The following ARHGAP45 variants were observed in gnomAD, a reference collection of about 807,000 sequenced individuals.
ARHGAP45 encodes Rho GTPase activating protein 45, also known as rho GTPase-activating protein 45.
Under a neutral mutation model 116.1 loss-of-function variants are expected in ARHGAP45, and 56 were observed. That is an observed-to-expected ratio of 0.48 (90% CI 0.39 to 0.60). The LOEUF (loss-of-function observed/expected upper bound fraction) is 0.60. ARHGAP45 is among the 20% of genes least tolerant of loss of function. The pLI is 0.00. For missense variants in ARHGAP45, 1,622 were observed against 1,601.0 expected, an observed-to-expected ratio of 1.01 and a Z score of -0.22; for synonymous variants, 866 against 701.7, an observed-to-expected ratio of 1.23 and a Z score of -3.70.
intron 10 of ARHGAP45, among the ~76,000 whole-genome samples, chr19:1,075,874 A>G (rs1004674645): frequency 2.0e-5 from 3 of 152,094 alleles, no homozygotes; most frequent in Admixed American, 1.3e-4. Flanking sequence ...GCACCCTCCT[A>G]GCTCCTTCCA....
Position 1,073,181 on chromosome 19 carries a change from G to A in ARHGAP45, c.454G>A (p.Glu152Lys). 1.9e-6 allele frequency: 3 copies of A among 1,611,390 alleles called. No homozygotes were observed. The highest frequency in any genetic ancestry group is 1.7e-6 in the Non-Finnish European group (2 of 1,179,980). The stretch of plus-strand genomic sequence containing the variant: ...TGAGGCCCGCCGCCCGCGGGCCCAC[G>A]AGTGCCTGGGTGAGGCTCTGCGTGT... ...LLEARRPRAHECLGEALRVMH... is the reference protein window; with the variant it reads ...LLEARRPRAHKCLGEALRVMH... The change falls in exon 3 of 23, where the codon GAG becomes AAG. Residue 152 changes from glutamate (E) to lysine (K), a missense_variant. This residue lies in a region of ARHGAP45 where 279 missense variants were observed against 311.9 expected (regional missense o/e 0.89). Coordinates refer to ENST00000313093, the MANE Select transcript of ARHGAP45 (RefSeq NM_012292.5).
Position 1,074,373 on chromosome 19 carries a change from T to A in ARHGAP45, c.959T>A (p.Ile320Asn), listed in dbSNP as rs779143760. 1.0e-5 allele frequency: 16 copies of A among 1,602,442 alleles called. No individual in the cohort carries two copies. In the African/African-American group the frequency reaches 1.9e-4, roughly 19 times the overall value. ...EMEFAKGLQK[I>N]AHNCRQSVMQ... ...GAGTTTGCCAAGGGCCTGCAGAAGA[T>A]CGCTCACAACTGCAGACAGAGCGTC... is the stretch of plus-strand genomic sequence containing the variant. The change falls in exon 8 of 23, where the codon ATC becomes AAC. Residue 320 changes from isoleucine to asparagine, a missense_variant. Physicochemically the swap from Ile to Asn is moderately radical, Grantham distance 149. Transcript: ENST00000313093.
rs532671973 is a variant in ARHGAP45, at chr19:1,068,662, C to T, written c.339C>T (p.Val113=). The T allele has an allele frequency of 2.2e-5, 35 of 1,612,652 alleles. No individual in the cohort carries two copies. Among genetic ancestry groups the T allele is most frequent in the East Asian group, 6.7e-5 (3 of 44,878 alleles). The change falls in exon 2 of 23, where the codon GTC becomes GTT. Residue 113 remains valine, a synonymous_variant. Coordinates refer to ENST00000313093, the MANE Select transcript of ARHGAP45 (RefSeq NM_012292.5). This position sits in a 1 kb window ranked among gnomAD's most constrained non-coding sequence, Gnocchi z 7.5. ...LPTEGAGPDV[V]EDISHLLADV... is the part of the protein sequence containing the mutation. ...CCGAGGGTGCCGGCCCGGACGTCGT[C>T]GAGGACATCTCCCATCTGCTGGCGG...
At chr19:1,082,698 T>C in intron 19 of ARHGAP45, 142 bp from the exon 20 acceptor site, 2 of 687,218 alleles carry the variant, frequency 2.9e-6, no homozygotes, top group East Asian at 3.1e-5. Flanking sequence ...GAAAGGGGAC[T>C]GACGCCGCTC....
At position 1,081,815 on chromosome 19, in the gene ARHGAP45, C is replaced by A; in HGVS notation, c.2380-9C>A. 1 of 1,601,722 alleles carries A rather than the reference C, an allele frequency of 6.2e-7. No individual in the cohort carries two copies. Among genetic ancestry groups the A allele is most frequent in the Admixed American group, 1.7e-5 (1 of 58,500 alleles). ...GCTGATGGGCCTCCCCACCCCCGGG[C>A]TCCCGCAGGGCATCTACCGGGTCAA... On this transcript the variant is annotated splice_polypyrimidine_tract_variant and intron_variant, in intron 18 of 22. Transcript: ENST00000313093.
chr19:1,085,522 G>GTCTCTCCCCA, intron 22 of ARHGAP45, 138 bp from the exon 23 acceptor site: 2 of 627,588 alleles, frequency 3.2e-6, no homozygotes, highest in Non-Finnish European at 5.4e-6. Context: ...CATCTCTCCT[G>GTCTCTCCCCA]TCTCTCCCCA....
Position 1,080,796 on chromosome 19 carries a change from C to T in ARHGAP45, c.2017+10C>T, listed in dbSNP as rs778863499. On this transcript the variant is annotated intron_variant, in intron 16 of 22. Transcript: ENST00000313093. ...TCAGCCTTTGAGCAGGGTGAGGGTC[C>T]CCTGACGGGGCTGGAGAGAGAGGGG... The T allele has an allele frequency of 1.2e-6, 2 of 1,612,928 alleles. No homozygotes were observed. Among genetic ancestry groups the T allele is most frequent in the South Asian group, 2.2e-5 (2 of 91,058 alleles).
At chr19:1,083,961 G>C (rs12975739) in intron 21 of ARHGAP45, among the ~76,000 whole-genome samples, 48,251 of 152,032 alleles carry the variant, frequency 0.32, 9,577 homozygotes, top group Middle Eastern at 0.45. Flanking sequence ...GGCTGGTCTC[G>C]AACTGCTGAC....
In ARHGAP45 at chr19:1,082,951, G is replaced by C. The variant is rs1227895148; in HGVS notation, c.2629G>C (p.Gly877Arg). Residue 877 changes from glycine (G) to arginine (R), a missense_variant, in exon 20 of 23, where the codon GGC becomes CGC. Coordinates refer to ENST00000313093, the MANE Select transcript of ARHGAP45 (RefSeq NM_012292.5). ...AKAASRGRQD[G>R]SESEAVAVAL... is the part of the protein sequence containing the mutation. ...GGCGGCGTCCCGGGGCCGGCAGGAC[G>C]GCTCGGAGAGCGAGGCAGTGGCGGT... is the stretch of plus-strand genomic sequence containing the variant. 6.4e-7 allele frequency: 1 copy of C among 1,572,888 alleles called. No individual in the cohort carries two copies.
In ARHGAP45 at chr19:1,076,483, CTTTTTTTTTTTTTT is replaced by C. The variant is rs71174343; in HGVS notation, c.1186-1357_1186-1344del. Among the ~76,000 whole-genome samples, 392 of 64,990 alleles carry C rather than the reference CTTTTTTTTTTTTTT, an allele frequency of 6.0e-3. 5 individuals are homozygous for C. Among genetic ancestry groups the C allele is most frequent in the African/African-American group, 0.022 (379 of 16,974 alleles). The allele number at this position is 64,990 out of a possible 152,430, so 42.6% of individuals were successfully genotyped here. A position where few individuals can be genotyped will look rare whatever the true frequency, so the allele number is the denominator to read the frequency against. On this transcript the variant is annotated intron_variant, in intron 10 of 22. Transcript: ENST00000313093. ...GAAACCTGTGATTGTTGGCAGTAGT[CTTTTTTTTTTTTTT>C]TTTTTTTTTTTTTTTTGAGACAAGA...
Position 1,068,751 on chromosome 19 carries a change from G to T in ARHGAP45, c.421+7G>T. 1 of 1,608,986 alleles carries T rather than the reference G, an allele frequency of 6.2e-7. No individual in the cohort carries two copies. Among genetic ancestry groups the T allele is most frequent in the Non-Finnish European group, 8.5e-7 (1 of 1,177,134 alleles). The stretch of plus-strand genomic sequence containing the variant: ...GAGTGTGTGTTGCGTGACGGTGAGA[G>T]CCACGGGGACACCGAGGCCTGGGTG... On this transcript the variant is annotated splice_region_variant and intron_variant, in intron 2 of 22. Coordinates refer to ENST00000313093, the MANE Select transcript of ARHGAP45 (RefSeq NM_012292.5). This position sits in a 1 kb window ranked among gnomAD's most constrained non-coding sequence, Gnocchi z 7.5.
chr19:1,083,428 G>C (rs1042853750), intron 21 of ARHGAP45, 75 bp downstream of exon 21: 2 of 1,310,582 alleles, frequency 1.5e-6, no homozygotes, highest in African/African-American at 2.9e-5. Flanking sequence ...GACAGTCGTT[G>C]TCGGATGAAG....
Position 1,074,089 on chromosome 19 carries a change from C to G in ARHGAP45, c.791-15C>G. The G allele has an allele frequency of 1.2e-6, 2 of 1,610,216 alleles. No individual in the cohort carries two copies. The highest frequency in any genetic ancestry group is 1.7e-6 in the Non-Finnish European group (2 of 1,178,454). On this transcript the variant is annotated splice_polypyrimidine_tract_variant and intron_variant, in intron 6 of 22. Transcript: ENST00000313093. ...GCGGGTCGGGCCAGGCTGAGCAGGC[C>G]CCCGTTCCCTGCAGGCTGCCTGCCC...
At position 1,071,914 on chromosome 19, in the gene ARHGAP45, G is replaced by C. The variant is rs1419149911; in HGVS notation, c.422-1235G>C. 6.6e-6 allele frequency: 1 copy of C among 152,318 alleles called. No individual in the cohort carries two copies. Among genetic ancestry groups the C allele is most frequent in the Non-Finnish European group, 1.5e-5 (1 of 68,150 alleles). 9.4% of individuals were successfully genotyped at this position (152,318 alleles called of 1,614,324 possible). A position where few individuals can be genotyped will look rare whatever the true frequency, so the allele number is the denominator to read the frequency against. ...AAAGCTGCCCCTCCCGCTGGCCTCT[G>C]TCCTCCCGGGTACCTTTCCCCTCCT... is the stretch of plus-strand genomic sequence containing the variant. On this transcript the variant is annotated intron_variant, in intron 2 of 22. Transcript: ENST00000313093. This position sits in a 1 kb window ranked among gnomAD's most constrained non-coding sequence, Gnocchi z 4.6.
intron 10 of ARHGAP45, 123 bp from the exon 11 acceptor site, chr19:1,077,734 G>A (rs2043293608): frequency 1.3e-6 from 2 of 1,526,028 alleles, no homozygotes; most frequent in African/African-American, 2.8e-5. Flanking sequence ...TCCTCTGCAT[G>A]CCCAGCTGGG....
At chr19:1,083,457 G>A (rs1389327428) in intron 21 of ARHGAP45, 104 bp downstream of exon 21, 3 of 1,095,868 alleles carry the variant, frequency 2.7e-6, no homozygotes, top group Non-Finnish European at 4.0e-6. Context: ...ACCACAGGGA[G>A]ATAATTTGGT....
rs529414188 is a variant in ARHGAP45, at chr19:1,078,276, T to G, written c.1374+231T>G. On this transcript the variant is annotated intron_variant, in intron 11 of 22. Transcript: ENST00000313093. ...CTCCTGCCTCAGCCTCCCGAGTAGC[T>G]GGGACTACAGGCGCCCGCCACCACG... Among the ~76,000 whole-genome samples, 5 of 147,396 alleles carry G rather than the reference T, an allele frequency of 3.4e-5. No individual in the cohort carries two copies. The South Asian group carries it at 1.1e-3, about 32-fold the overall frequency.
Position 1,071,174 on chromosome 19 carries a change from C to G in ARHGAP45, c.422-1975C>G. The G allele has an allele frequency of 1.5e-6, 2 of 1,339,112 alleles. No individual in the cohort carries two copies. Among genetic ancestry groups the G allele is most frequent in the Non-Finnish European group, 1.9e-6 (2 of 1,046,696 alleles). The allele number at this position is 1,339,112 out of a possible 1,614,324, so 83.0% of individuals were successfully genotyped here. On this transcript the variant is annotated intron_variant, in intron 2 of 22. Transcript: ENST00000313093. This position sits in a 1 kb window ranked among gnomAD's most constrained non-coding sequence, Gnocchi z 4.6. ...GAACGGGACCCCAGGGCGGGGTTTCCCTCGCGGGGGCGGGGCCTCCTGACC... is the reference window on the plus strand; with the variant it reads ...GAACGGGACCCCAGGGCGGGGTTTCGCTCGCGGGGGCGGGGCCTCCTGACC...
At position 1,069,210 on chromosome 19, in the gene ARHGAP45, G is replaced by C. The variant is rs533889471; in HGVS notation, c.421+466G>C. ...GCAAACTGGGGGTTGGCTGAGGTCT[G>C]GGTGGAGAGAGATTCAGGAGGCATG... On this transcript the variant is annotated intron_variant, in intron 2 of 22. Coordinates refer to ENST00000313093, the MANE Select transcript of ARHGAP45 (RefSeq NM_012292.5). This position sits in a 1 kb window ranked among gnomAD's most constrained non-coding sequence, Gnocchi z 4.1. Among the ~76,000 whole-genome samples, 2 of 152,280 alleles carry C rather than the reference G, an allele frequency of 1.3e-5. No individual in the cohort carries two copies. The highest frequency in any genetic ancestry group is 4.8e-5 in the African/African-American group (2 of 41,544).
Sources: gnomAD v4.1 joint callset for allele counts (sites outside exome capture counted in the v4.1 genomes callset) on GRCh38, gnomAD v4.1.1 for gene constraint, gnomAD v4.1.1 regional missense constraint, Gnocchi (gnomAD v3.1) non-coding constraint, MANE v1.5 for transcripts, NCBI Gene and HGNC (gene_info 2026-07-23, HGNC 2026-07-21) for gene names.